DSTYK: variants seen among roughly 807,000 people sequenced by gnomAD.
DSTYK encodes RIP-homologous kinase.
In DSTYK, 34 loss-of-function variants were observed where a neutral mutation model predicts 98.7. The observed-to-expected ratio is 0.34, with a 90% CI of 0.26 to 0.46. DSTYK has a LOEUF of 0.46. DSTYK is among the 20% of genes least tolerant of loss of function. The pLI is 1.00. For synonymous variants in DSTYK, 462 were observed against 457.3 expected, an observed-to-expected ratio of 1.01 and a Z score of -0.13; for missense variants, 962 against 1,181.7, an observed-to-expected ratio of 0.81 and a Z score of 2.73.
intron 1 of DSTYK, among the ~76,000 whole-genome samples, chr1:205,205,733 C>T (rs1659179747): frequency 6.6e-6 from 1 of 152,136 alleles, no homozygotes; most frequent in South Asian, 2.1e-4. Context: ...GAGTGAGCCA[C>T]CGCGCCCAGC....
intron 10 of DSTYK, among the ~76,000 whole-genome samples, chr1:205,151,129 T>C (rs1412626224): frequency 1.3e-5 from 2 of 152,146 alleles, no homozygotes; most frequent in Non-Finnish European, 1.5e-5. Context: ...AGTAAGAATA[T>C]GGTATAAAAG....
chr1:205,179,412 A>T (rs752542597), intron 2 of DSTYK, among the ~76,000 whole-genome samples: 2 of 151,830 alleles, frequency 1.3e-5, no homozygotes, highest in Non-Finnish European at 2.9e-5. Context: ...TGAGGTCAGG[A>T]GATCACGAGC....
chr1:205,150,757 C>G lies in DSTYK; in HGVS notation c.2390G>C (p.Gly797Ala). 1 of 1,614,146 alleles carries G rather than the reference C, an allele frequency of 6.2e-7. No individual in the cohort carries two copies. ...CATCATGGCCTCTGGCTTGCAGAAT[C>G]CTAAGTCAGTGATCTTGGCACGGTT... is the stretch of plus-strand genomic sequence containing the variant. ...KQNRAKITDL[G>A]FCKPEAMMSG... Residue 797 changes from glycine to alanine, a missense_variant, in exon 11 of 13, where the codon GGA (glycine) becomes GCA (alanine). Transcript: ENST00000367162. The surrounding 1 kb of genome is among the most constrained non-coding windows in gnomAD (Gnocchi z 4.1).
At chr1:205,152,540 G>T (rs915668449) in intron 10 of DSTYK, among the ~76,000 whole-genome samples, 1 of 152,196 alleles carries the variant, frequency 6.6e-6, no homozygotes, top group Non-Finnish European at 1.5e-5. Flanking sequence ...CTGTCATTGC[G>T]CAGTGCATGA....
At chr1:205,154,250 A>T (rs548136518) in intron 10 of DSTYK, among the ~76,000 whole-genome samples, 75 of 151,808 alleles carry the variant, frequency 4.9e-4, no homozygotes, top group Non-Finnish European at 9.9e-4. Flanking sequence ...CTATGATGAA[A>T]CTCCTCCCTA....
chr1:205,152,495 C>T (rs560308467), intron 10 of DSTYK, among the ~76,000 whole-genome samples: 26 of 152,314 alleles, frequency 1.7e-4, no homozygotes, highest in African/African-American at 5.1e-4. Flanking sequence ...ATAATCTTAT[C>T]GGACTACATC....
chr1:205,194,598 G>A (rs551326405), intron 1 of DSTYK, among the ~76,000 whole-genome samples: 1 of 148,286 alleles, frequency 6.7e-6, no homozygotes, highest in Non-Finnish European at 1.5e-5. Flanking sequence ...GCCCAGGCTG[G>A]TCTCAAACTC....
rs1455466744 is a variant in DSTYK, at chr1:205,169,526, C to T, written c.961G>A (p.Gly321Arg). ...GCTTTAGTATCCTGGCCAGGAGCCCCACAGTTCCAGTGACTGCTGCTCAGA... is the reference window on the plus strand; with the variant it reads ...GCTTTAGTATCCTGGCCAGGAGCCCTACAGTTCCAGTGACTGCTGCTCAGA... ...GYLSSSHWNC[G>R]APGQDTKAQS... Residue 321 changes from glycine to arginine, a missense_variant, in exon 3 of 13, where the codon GGG becomes AGG. Around this residue, in one of 4 missense-constraint regions of DSTYK, gnomAD observed 660 missense variants for 855.0 expected, o/e 0.77. Coordinates refer to ENST00000367162, the MANE Select transcript of DSTYK (RefSeq NM_015375.3). The surrounding 1 kb of genome is among the most constrained non-coding windows in gnomAD (Gnocchi z 4.0). The T allele has an allele frequency of 6.2e-7, 1 of 1,614,050 alleles. No individual in the cohort carries two copies. Among genetic ancestry groups the T allele is most frequent in the Admixed American group, 1.7e-5 (1 of 60,000 alleles).
Position 205,150,690 on chromosome 1 carries a change from T to G in DSTYK, c.2457A>C (p.Glu819Asp), listed in dbSNP as rs1464809227. 6.2e-7 allele frequency: 1 copy of G among 1,613,696 alleles called. No individual in the cohort carries two copies. The highest frequency in any genetic ancestry group is 1.7e-5 in the Admixed American group (1 of 59,998). The change falls in exon 11 of 13, where the codon GAA becomes GAC. Residue 819 changes from glutamate (E) to aspartate (D), a missense_variant. By Grantham distance (45) the Glu-to-Asp change is conservative. Transcript: ENST00000367162. The surrounding 1 kb of genome is among the most constrained non-coding windows in gnomAD (Gnocchi z 4.1). Reference sequence around the variant, plus strand: ...GCCCTCCAGCCTTACCTGTGAAAAGTTCAGGGGCCATATGGATTGGTGTCC... The same window carrying G: ...GCCCTCCAGCCTTACCTGTGAAAAGGTCAGGGGCCATATGGATTGGTGTCC... ...IVGTPIHMAP[E>D]LFTGKYDNSV...
chr1:205,211,699 A>C lies in DSTYK; in HGVS notation c.-164T>G. On this transcript the variant is annotated 5_prime_UTR_variant, in exon 1 of 13. Coordinates refer to ENST00000367162, the MANE Select transcript of DSTYK (RefSeq NM_015375.3). ...CGTCACTGCCGTTGCAAACAAACCA[A>C]ACCGCAGTGCGCCGCTATCGGAACC... 4.3e-6 allele frequency: 4 copies of C among 924,710 alleles called. No homozygotes were observed. Among genetic ancestry groups the C allele is most frequent in the Non-Finnish European group, 4.6e-6 (3 of 655,374 alleles). The allele number at this position is 924,710 out of a possible 1,614,324, so 57.3% of individuals were successfully genotyped here.
intron 3 of DSTYK, among the ~76,000 whole-genome samples, chr1:205,167,631 C>T (rs1657928119): frequency 6.6e-6 from 1 of 152,098 alleles, no homozygotes; most frequent in Non-Finnish European, 1.5e-5. Context: ...GGAAATAAGA[C>T]TGGAAAAGTT....
chr1:205,208,423 C>G (rs909560617), intron 1 of DSTYK, among the ~76,000 whole-genome samples: 1 of 151,990 alleles, frequency 6.6e-6, no homozygotes, highest in African/African-American at 2.4e-5. Flanking sequence ...AGAGTTAATC[C>G]CTGGTCTTCT....
chr1:205,173,116 G>C (rs1457494571), intron 2 of DSTYK: 1 of 152,172 alleles, frequency 6.6e-6, no homozygotes, highest in African/African-American at 2.4e-5. Context: ...ACATTAGGCT[G>C]GGTGTGGTGG....
At position 205,211,309 on chromosome 1, in the gene DSTYK, C is replaced by T; in HGVS notation, c.227G>A (p.Gly76Asp). 3 of 1,610,268 alleles carry T rather than the reference C, an allele frequency of 1.9e-6. No homozygotes were observed. In the Middle Eastern group the frequency reaches 5.0e-4, roughly 267 times the overall value. Reference protein sequence around the residue: ...SLTGGGGAERGPAGDVAETGL... With the variant: ...SLTGGGGAERDPAGDVAETGL... ...GGTTTCGGCGACATCGCCTGCAGGG[C>T]CGCGCTCGGCCCCGCCGCCGCCCGT... The change falls in exon 1 of 13, where the codon GGC becomes GAC. Residue 76 changes from glycine (G) to aspartate (D), a missense_variant. By Grantham distance (94) the Gly-to-Asp change is moderately conservative. Coordinates refer to ENST00000367162, the MANE Select transcript of DSTYK (RefSeq NM_015375.3).
At chr1:205,204,455 T>TACACACACACACAC (rs56294352) in intron 1 of DSTYK, among the ~76,000 whole-genome samples, 6 of 148,678 alleles carry the variant, frequency 4.0e-5, no homozygotes, top group Admixed American at 1.3e-4. Flanking sequence ...ATGCTCACCA[T>TACACACACACACAC]ACACACACAC....
Position 205,159,683 on chromosome 1 carries a change from G to A in DSTYK, c.2106-4C>T, listed in dbSNP as rs749944520. On this transcript the variant is annotated splice_polypyrimidine_tract_variant and splice_region_variant and intron_variant, in intron 8 of 12. Transcript: ENST00000367162. ...TCGCTCATGCTTCGGCAGAGACCTG[G>A]AGGGAAGGAGAGAGATCTGGGCTAC... The A allele has an allele frequency of 1.9e-6, 3 of 1,612,946 alleles. No individual in the cohort carries two copies. The highest frequency in any genetic ancestry group is 1.7e-6 in the Non-Finnish European group (2 of 1,179,976).
chr1:205,143,389 A>AAAAGTGGGTT lies in DSTYK; in HGVS notation c.*4159_*4168dup, dbSNP rs1269987024. ...CTCGAACTCCTGACCTCAGGTTTTA[A>AAAAGTGGGTT]AAAGTGGGTTACTTGATCCAGAAAA... On this transcript the variant is annotated 3_prime_UTR_variant, in exon 13 of 13. Coordinates refer to ENST00000367162, the MANE Select transcript of DSTYK (RefSeq NM_015375.3). 6.6e-6 allele frequency: 1 copy of AAAAGTGGGTT among 152,066 alleles called. No individual in the cohort carries two copies. The highest frequency in any genetic ancestry group is 1.5e-5 in the Non-Finnish European group (1 of 68,004). The allele number at this position is 152,066 out of a possible 1,614,324, so 9.4% of individuals were successfully genotyped here. A position where few individuals can be genotyped will look rare whatever the true frequency, so the allele number is the denominator to read the frequency against.
chr1:205,166,921 T>C (rs1196837202), intron 3 of DSTYK, among the ~76,000 whole-genome samples: 1 of 152,226 alleles, frequency 6.6e-6, no homozygotes, highest in African/African-American at 2.4e-5. Context: ...TGTTATTTGC[T>C]GCAAGGAATA....
intron 8 of DSTYK, 75 bp downstream of exon 8, chr1:205,160,039 G>T: frequency 6.5e-7 from 1 of 1,545,346 alleles, no homozygotes; most frequent in Non-Finnish European, 8.9e-7. Flanking sequence ...TGTAGCTCTT[G>T]GTACAAAATC....
Sources: gnomAD v4.1 joint callset for allele counts (sites outside exome capture counted in the v4.1 genomes callset) on GRCh38, gnomAD v4.1.1 for gene constraint, gnomAD v4.1.1 regional missense constraint, Gnocchi (gnomAD v3.1) non-coding constraint, MANE v1.5 for transcripts, NCBI Gene and HGNC (gene_info 2026-07-23, HGNC 2026-07-21) for gene names.